NSD3: variants seen among roughly 807,000 people sequenced by gnomAD.
NSD3 encodes the protein nuclear receptor binding SET domain protein 3.
Under a neutral mutation model 160.8 loss-of-function variants are expected in NSD3, and 24 were observed. The observed-to-expected ratio is 0.15, with a 90% CI of 0.11 to 0.21. The LOEUF (loss-of-function observed/expected upper bound fraction) is 0.21. Ranked by LOEUF, NSD3 falls within the 10% of genes least tolerant of loss-of-function variation. The pLI is 1.00. For synonymous variants in NSD3, 520 were observed against 600.0 expected, an observed-to-expected ratio of 0.87 and a Z score of 1.95; for missense variants, 1,157 against 1,735.9, an observed-to-expected ratio of 0.67 and a Z score of 5.93.
At chr8:38,370,338 C>T (rs1811212949) in intron 1 of NSD3, among the ~76,000 whole-genome samples, 1 of 150,790 alleles carries the variant, frequency 6.6e-6, no homozygotes, top group South Asian at 2.1e-4. Context: ...TTAAACCATA[C>T]ACAATACTCT....
chr8:38,275,892 G>T lies in NSD3; in HGVS notation c.4073-10C>A. 6.2e-7 allele frequency: 1 copy of T among 1,610,194 alleles called. No homozygotes were observed. Among genetic ancestry groups the T allele is most frequent in the Non-Finnish European group, 8.5e-7 (1 of 1,177,430 alleles). ...GGACACTCCCACTTTCCTAATTCGG[G>T]GAGATGGGGAGGAAGAAGGAGAAGT... is the stretch of plus-strand genomic sequence containing the variant. On this transcript the variant is annotated splice_polypyrimidine_tract_variant and intron_variant, in intron 23 of 23. Coordinates refer to ENST00000317025, the MANE Select transcript of NSD3 (RefSeq NM_023034.2).
At chr8:38,335,399 C>T (rs1810192825) in intron 4 of NSD3, among the ~76,000 whole-genome samples, 1 of 152,150 alleles carries the variant, frequency 6.6e-6, no homozygotes, top group Non-Finnish European at 1.5e-5. Flanking sequence ...TGCAGGTTTT[C>T]ATAAAGTAAT....
At chr8:38,349,411 T>C (rs1810614901) in intron 1 of NSD3, among the ~76,000 whole-genome samples, 1 of 151,862 alleles carries the variant, frequency 6.6e-6, no homozygotes, top group African/African-American at 2.4e-5. Context: ...CTCAAACTCC[T>C]GGACTCAAGT....
intron 4 of NSD3, among the ~76,000 whole-genome samples, chr8:38,332,234 C>T (rs1810078792): frequency 6.6e-6 from 1 of 152,106 alleles, no homozygotes; most frequent in South Asian, 2.1e-4. Context: ...AGCCACTGGC[C>T]CCAGCCTATG....
At chr8:38,310,573 T>C (rs1451944819) in intron 12 of NSD3, among the ~76,000 whole-genome samples, 1 of 151,806 alleles carries the variant, frequency 6.6e-6, no homozygotes, top group African/African-American at 2.4e-5. Context: ...AGTGATGCCA[T>C]TACAGTTCAC....
In NSD3 at chr8:38,304,550, C is replaced by T. The variant is rs1361886940; in HGVS notation, c.2611+37G>A. ...TGTTAATGGAGAAATATGCCAATGA[C>T]CTCAAAAATAAATGAAGAGAAAAGT... On this transcript the variant is annotated intron_variant, in intron 14 of 23. Coordinates refer to ENST00000317025, the MANE Select transcript of NSD3 (RefSeq NM_023034.2). The T allele has an allele frequency of 3.2e-6, 5 of 1,583,370 alleles. No individual in the cohort carries two copies. The South Asian group carries it at 3.5e-5, about 11-fold the overall frequency.
rs1387354623 is a variant in NSD3 at position 38,288,714 on chromosome 8, G to C, written c.3274C>G (p.Leu1092Val). 1 of 1,614,206 alleles carries C rather than the reference G, an allele frequency of 6.2e-7. No individual in the cohort carries two copies. Among genetic ancestry groups the C allele is most frequent in the South Asian group, 1.1e-5 (1 of 91,078 alleles). ...CAGTTACAGCGGGGAATCTCTGACAGGTCAGCAACCTGGATCTGCACCTTT... is the reference window on the plus strand; with the variant it reads ...CAGTTACAGCGGGGAATCTCTGACACGTCAGCAACCTGGATCTGCACCTTT... The part of the protein sequence containing the change: ...IGKVQIQVAD[L>V]SEIPRCNCKP... The change falls in exon 19 of 24, where the codon CTG becomes GTG. Residue 1092 changes from leucine (L) to valine (V), a missense_variant. Leu to Val is a conservative substitution (Grantham distance 32). Around this residue, in one of 10 missense-constraint regions of NSD3, gnomAD observed 437 missense variants for 576.6 expected, o/e 0.76. Coordinates refer to ENST00000317025, the MANE Select transcript of NSD3 (RefSeq NM_023034.2). This position sits in a 1 kb window ranked among gnomAD's most constrained non-coding sequence, Gnocchi z 4.5.
chr8:38,365,999 C>A (rs149895837), intron 1 of NSD3, among the ~76,000 whole-genome samples: 1 of 151,038 alleles, frequency 6.6e-6, no homozygotes, highest in Admixed American at 6.6e-5. Context: ...TGAAATGGAA[C>A]TCTCGGGAGG....
At chr8:38,341,146 C>T (rs1472075036) in intron 2 of NSD3, among the ~76,000 whole-genome samples, 1 of 151,666 alleles carries the variant, frequency 6.6e-6, no homozygotes, top group Non-Finnish European at 1.5e-5. Flanking sequence ...ACAACAACAA[C>T]AAACAAAAAA....
chr8:38,275,670 GT>G lies in NSD3; in HGVS notation c.4284del (p.Gln1429LysfsTer7). 6.2e-7 allele frequency: 1 copy of G among 1,614,120 alleles called. No individual in the cohort carries two copies. The highest frequency in any genetic ancestry group is 8.5e-7 in the Non-Finnish European group (1 of 1,180,000). ...TCTTTTACTTCTTCTCCATGATCTT[GT>G]GATTCCCATTTACATTTTATCTTGC... ...YWSKIKCKWE[S>X]QDHGEEVKE On this transcript the variant is annotated frameshift_variant, in exon 24 of 24. Coordinates refer to ENST00000317025, the MANE Select transcript of NSD3 (RefSeq NM_023034.2). LOFTEE classifies it high-confidence loss of function.
chr8:38,354,733 A>G (rs1031773340), intron 1 of NSD3, among the ~76,000 whole-genome samples: 7 of 145,858 alleles, frequency 4.8e-5, no homozygotes, highest in South Asian at 4.3e-4. Flanking sequence ...AAGTTCGGGG[A>G]AAAAAAAAAC....
In NSD3 at chr8:38,279,558, G is replaced by C. The variant is rs2130983137; in HGVS notation, c.3742C>G (p.Leu1248Val). 2 of 1,614,070 alleles carry C rather than the reference G, an allele frequency of 1.2e-6. No homozygotes were observed. The highest frequency in any genetic ancestry group is 1.7e-6 in the Non-Finnish European group (2 of 1,179,966). The change falls in exon 21 of 24, where the codon CTC (leucine) becomes GTC (valine). Residue 1248 changes from leucine to valine, a missense_variant. Physicochemically the swap from Leu to Val is conservative, Grantham distance 32. Around this residue, in one of 10 missense-constraint regions of NSD3, gnomAD observed 222 missense variants for 409.9 expected, o/e 0.54. Coordinates refer to ENST00000317025, the MANE Select transcript of NSD3 (RefSeq NM_023034.2). ...NGDVRVGLFA[L>V]CDIPAGMELT... ...TTTTTACCTGCAGGAATATCACAGA[G>C]AGCAAATAGTCCCACTCGAACATCT...
chr8:38,307,359 G>A (rs1809433949), intron 12 of NSD3, among the ~76,000 whole-genome samples: 1 of 151,998 alleles, frequency 6.6e-6, no homozygotes, highest in East Asian at 1.9e-4. Flanking sequence ...AGGGTGTAGG[G>A]GGCTGGCAGG....
At chr8:38,331,186 A>C (rs901492940) in intron 5 of NSD3, among the ~76,000 whole-genome samples, 7 of 152,210 alleles carry the variant, frequency 4.6e-5, no homozygotes, top group African/African-American at 1.7e-4. Flanking sequence ...TGAAACTCAC[A>C]ATAGAATTCA....
At chr8:38,340,664 A>C (rs1398515530) in intron 2 of NSD3, among the ~76,000 whole-genome samples, 10 of 152,006 alleles carry the variant, frequency 6.6e-5, no homozygotes, top group Admixed American at 6.6e-4. Context: ...TTTTAGGAAA[A>C]TGATATGTTC....
Position 38,319,445 on chromosome 8 carries a change from C to G in NSD3, c.1810-505G>C, listed in dbSNP as rs1018018644. ...GTAGAGAGTGCTACAGGGCTCCATA[C>G]AGCTGGAAGCTCAATACTTTTGCTG... On this transcript the variant is annotated intron_variant, in intron 8 of 23. Coordinates refer to ENST00000317025, the MANE Select transcript of NSD3 (RefSeq NM_023034.2). This position sits in a 1 kb window ranked among gnomAD's most constrained non-coding sequence, Gnocchi z 4.1. 3.3e-5 allele frequency among the ~76,000 whole-genome samples: 5 copies of G among 152,342 alleles called. No homozygotes were observed. The highest frequency in any genetic ancestry group is 7.3e-5 in the Non-Finnish European group (5 of 68,038).
intron 12 of NSD3, 96 bp from the exon 13 acceptor site, chr8:38,305,541 G>T: frequency 8.7e-7 from 1 of 1,149,476 alleles, no homozygotes. Context: ...TCCTAAAACA[G>T]ACTCTATTAC....
In NSD3 at chr8:38,315,404, T is replaced by C. The variant is rs776382102; in HGVS notation, c.2115+12A>G. 1.3e-6 allele frequency: 2 copies of C among 1,551,674 alleles called. No individual in the cohort carries two copies. Among genetic ancestry groups the C allele is most frequent in the Non-Finnish European group, 1.7e-6 (2 of 1,156,764 alleles). On this transcript the variant is annotated intron_variant, in intron 11 of 23. Transcript: ENST00000317025. Reference sequence around the variant, plus strand: ...CAATTATTTCAAGCCATAGCACCAGTTACCTGCCTACCTGACATACAGTGT... The same window carrying C: ...CAATTATTTCAAGCCATAGCACCAGCTACCTGCCTACCTGACATACAGTGT...
intron 19 of NSD3, among the ~76,000 whole-genome samples, chr8:38,283,694 G>A (rs956469870): frequency 6.6e-6 from 1 of 152,156 alleles, no homozygotes; most frequent in Non-Finnish European, 1.5e-5. Context: ...AGAAGCACCG[G>A]TCTGCTTCAC....
Sources: allele counts gnomAD v4.1 joint callset (sites outside exome capture counted in the v4.1 genomes callset), GRCh38; gene constraint gnomAD v4.1.1; regional missense constraint gnomAD v4.1.1; non-coding constraint Gnocchi (gnomAD v3.1); transcripts MANE v1.5; gene names NCBI Gene and HGNC (gene_info 2026-07-23, HGNC 2026-07-21).